The following DENND5A variants were observed in gnomAD, a reference collection of about 807,000 sequenced individuals.
The protein encoded by DENND5A is DENN domain containing 5A, also known as DENN domain-containing protein 5A.
In DENND5A, 64 loss-of-function variants were observed where a neutral mutation model predicts 140.3. The ratio of observed to expected loss-of-function variants is 0.46; its 90% CI spans 0.37 to 0.56. DENND5A has a LOEUF of 0.56. Among genes scored for constraint, DENND5A ranks in the 20% least tolerant of loss-of-function variants. The pLI, the probability that DENND5A is intolerant of heterozygous loss-of-function variation, is 0.00. For missense variants in DENND5A, 1,292 were observed against 1,593.8 expected (o/e 0.81, Z 3.22); for synonymous variants, 605 against 607.7 (o/e 1.00, Z 0.07).
Position 9,181,008 on chromosome 11 carries a change from A to C in DENND5A, c.1214T>G (p.Leu405Trp), listed in dbSNP as rs1848711995. ...PEDLPQFPNK[L>W]EFVQEVSEIL... ...CTCAGAGACTTCCTGGACAAACTCC[A>C]ATTTGTTGGGGAACTGTGGCAAGTC... The change falls in exon 6 of 23, where the codon TTG (leucine) becomes TGG (tryptophan). Residue 405 changes from leucine to tryptophan, a missense_variant. Physicochemically the swap from Leu to Trp is moderately conservative, Grantham distance 61. Around this residue, in one of 4 missense-constraint regions of DENND5A, gnomAD observed 566 missense variants for 650.4 expected, o/e 0.87. Coordinates refer to ENST00000328194, the MANE Select transcript of DENND5A (RefSeq NM_015213.4). 1.2e-6 allele frequency: 2 copies of C among 1,614,018 alleles called. No homozygotes were observed. The highest frequency in any genetic ancestry group is 3.3e-5 in the Admixed American group (2 of 60,002).
chr11:9,185,736 A>C (rs1355023579), intron 5 of DENND5A, among the ~76,000 whole-genome samples: 1 of 151,820 alleles, frequency 6.6e-6, no homozygotes, highest in Non-Finnish European at 1.5e-5. Flanking sequence ...GTCTGTGTCT[A>C]CGTGTGTGTT....
At chr11:9,174,717 A>C (rs1445002654) in intron 8 of DENND5A, among the ~76,000 whole-genome samples, 10 of 152,128 alleles carry the variant, frequency 6.6e-5, no homozygotes, top group South Asian at 2.1e-4. Flanking sequence ...ACAACAACAA[A>C]AAAAATCAAT....
intron 5 of DENND5A, among the ~76,000 whole-genome samples, chr11:9,184,477 C>T (rs1453300380): frequency 6.6e-6 from 1 of 152,166 alleles, no homozygotes; most frequent in East Asian, 1.9e-4. Context: ...AGTAGAACCA[C>T]AGTGTTGTAA....
At chr11:9,192,905 G>A (rs1849187374) in intron 5 of DENND5A, among the ~76,000 whole-genome samples, 1 of 152,174 alleles carries the variant, frequency 6.6e-6, no homozygotes, top group South Asian at 2.1e-4. Context: ...CTTTAGAATG[G>A]AATAGGAAAT....
intron 1 of DENND5A, among the ~76,000 whole-genome samples, chr11:9,210,940 A>G (rs886921123): frequency 6.6e-6 from 1 of 152,236 alleles, no homozygotes; most frequent in Admixed American, 6.5e-5. Context: ...TAGTTCATAC[A>G]GATTCTGCTT....
chr11:9,224,819 C>T (rs531604002), intron 1 of DENND5A, among the ~76,000 whole-genome samples: 2 of 148,082 alleles, frequency 1.4e-5, no homozygotes, highest in African/African-American at 5.0e-5. Flanking sequence ...GATCGCGCCA[C>T]TGCACTCCAG....
chr11:9,179,126 C>G (rs1848642857), intron 6 of DENND5A, 53 bp from the exon 7 acceptor site: 9 of 1,489,654 alleles, frequency 6.0e-6, no homozygotes, highest in Non-Finnish European at 8.3e-6. Flanking sequence ...CCTTTTAACC[C>G]AAGGAATGCA....
chr11:9,249,228 A>AC, intron 1 of DENND5A, among the ~76,000 whole-genome samples: 1 of 147,842 alleles, frequency 6.8e-6, no homozygotes, highest in South Asian at 2.1e-4. Flanking sequence ...ACTCCGACTC[A>AC]AAAAAAAAAA....
chr11:9,207,100 C>CTT, intron 2 of DENND5A: 9 of 406,048 alleles, frequency 2.2e-5, no homozygotes, highest in East Asian at 5.7e-5. Context: ...TTGTATCTAT[C>CTT]TTTTTTTTTT....
At chr11:9,247,098 C>T (rs1851506674) in intron 1 of DENND5A, among the ~76,000 whole-genome samples, 1 of 152,048 alleles carries the variant, frequency 6.6e-6, no homozygotes, top group Non-Finnish European at 1.5e-5. Flanking sequence ...GGCATGGTGG[C>T]AGGCGCCTGT....
At chr11:9,140,316 T>G (rs1847195136) in intron 22 of DENND5A, 1 of 820,504 alleles carries the variant, frequency 1.2e-6, no homozygotes, top group Non-Finnish European at 1.8e-6. Context: ...TAGATGGAAG[T>G]TAAGTAGCTT....
intron 1 of DENND5A, among the ~76,000 whole-genome samples, chr11:9,246,538 G>A (rs942875510): frequency 2.6e-5 from 4 of 151,670 alleles, no homozygotes; most frequent in South Asian, 4.2e-4. Context: ...CTTGAACCCA[G>A]GGGGTGGAGG....
At chr11:9,156,557 G>A (rs1394647379) in intron 12 of DENND5A, among the ~76,000 whole-genome samples, 2 of 151,782 alleles carry the variant, frequency 1.3e-5, no homozygotes, top group Non-Finnish European at 2.9e-5. Flanking sequence ...AACCAGGGAG[G>A]TGGAGGTTGC....
At chr11:9,198,568 G>C (rs186354959) in intron 4 of DENND5A, among the ~76,000 whole-genome samples, 2 of 150,976 alleles carry the variant, frequency 1.3e-5, no homozygotes, top group East Asian at 3.9e-4. Context: ...CCGAGATTGC[G>C]CCACTGCACT....
At chr11:9,239,484 G>A (rs1851144689) in intron 1 of DENND5A, among the ~76,000 whole-genome samples, 1 of 151,622 alleles carries the variant, frequency 6.6e-6, no homozygotes, top group Non-Finnish European at 1.5e-5. Context: ...CTACAGGCAT[G>A]CACCACTACA....
intron 1 of DENND5A, among the ~76,000 whole-genome samples, chr11:9,247,967 T>C (rs1458686399): frequency 6.6e-6 from 1 of 152,084 alleles, no homozygotes; most frequent in Non-Finnish European, 1.5e-5. Flanking sequence ...AGAGTCAGGT[T>C]GGAATTTGGT....
In DENND5A at chr11:9,167,549, G is replaced by A. The variant is rs141221495; in HGVS notation, c.2152-1582C>T. Among the ~76,000 whole-genome samples, 582 of 151,008 alleles carry A rather than the reference G, an allele frequency of 3.9e-3. 2 individuals are homozygous for A. Among genetic ancestry groups the A allele is most frequent in the African/African-American group, 0.013 (536 of 41,168 alleles). On this transcript the variant is annotated intron_variant, in intron 10 of 22. Transcript: ENST00000328194. The stretch of plus-strand genomic sequence containing the variant: ...TGGCCTGTAATCCCAGCACTGAGGC[G>A]AGTGGATCACTTGAGCTCAGAAGTT...
chr11:9,210,455 CT>C (rs1564917564), intron 1 of DENND5A, among the ~76,000 whole-genome samples: 1 of 152,088 alleles, frequency 6.6e-6, no homozygotes, highest in South Asian at 2.1e-4. Flanking sequence ...TCATAACAGA[CT>C]TTTTTTTAAA....
chr11:9,193,697 CA>C lies in DENND5A; in HGVS notation c.950-17del. ...CTCTGGTAATCTGGGTCAACAACAA[CA>C]AAAAAAGCACACACACAAATCAGTC... On this transcript the variant is annotated splice_polypyrimidine_tract_variant and intron_variant, in intron 4 of 22. Transcript: ENST00000328194. The C allele has an allele frequency of 5.0e-6, 8 of 1,584,878 alleles. No homozygotes were observed. The highest frequency in any genetic ancestry group is 2.2e-5 in the East Asian group (1 of 44,474).
Sources: gnomAD v4.1 joint callset for allele counts (sites outside exome capture counted in the v4.1 genomes callset) on GRCh38, gnomAD v4.1.1 for gene constraint, gnomAD v4.1.1 regional missense constraint, MANE v1.5 for transcripts, NCBI Gene and HGNC (gene_info 2026-07-23, HGNC 2026-07-21) for gene names.